ZFYVE9: variants seen among roughly 807,000 people sequenced by gnomAD.
ZFYVE9 encodes the protein zinc finger FYVE domain-containing protein 9.
Under a neutral mutation model 126.7 loss-of-function variants are expected in ZFYVE9, and 43 were observed. That is an observed-to-expected ratio of 0.34 (90% CI 0.27 to 0.44). The LOEUF (loss-of-function observed/expected upper bound fraction) is 0.44, where lower values mean the gene tolerates loss of function less well. Among genes scored for constraint, ZFYVE9 ranks in the 20% least tolerant of loss-of-function variants. ZFYVE9 has a pLI of 1.00. For synonymous variants in ZFYVE9, 521 were observed against 597.4 expected, an observed-to-expected ratio of 0.87 and a Z score of 1.87; for missense variants, 1,476 against 1,697.0, an observed-to-expected ratio of 0.87 and a Z score of 2.29.
intron 6 of ZFYVE9, among the ~76,000 whole-genome samples, chr1:52,267,496 G>T (rs1645645810): frequency 6.6e-6 from 1 of 152,056 alleles, no homozygotes; most frequent in South Asian, 2.1e-4. Context: ...TCCTTAAAAT[G>T]ATCTTATCAA....
At chr1:52,164,250 G>A (rs1346077018) in intron 1 of ZFYVE9, among the ~76,000 whole-genome samples, 6 of 151,296 alleles carry the variant, frequency 4.0e-5, no homozygotes, top group Admixed American at 3.3e-4. Context: ...GTCTCATTCT[G>A]TAGCCCAGGC....
chr1:52,165,219 A>G (rs1426837395), intron 1 of ZFYVE9, among the ~76,000 whole-genome samples: 1 of 152,180 alleles, frequency 6.6e-6, no homozygotes, highest in Non-Finnish European at 1.5e-5. Flanking sequence ...TAAAAAACTC[A>G]TATCAGACTT....
At chr1:52,278,644 CAG>C (rs539063803) in intron 9 of ZFYVE9, 30 bp downstream of exon 9, 560 of 1,429,204 alleles carry the variant, frequency 3.9e-4, no homozygotes, top group Non-Finnish European at 5.1e-4. Context: ...AAATTAAAAT[CAG>C]ATGTTTTACT....
intron 1 of ZFYVE9, among the ~76,000 whole-genome samples, chr1:52,147,732 A>T (rs960017106): frequency 1.3e-5 from 2 of 152,156 alleles, no homozygotes; most frequent in African/African-American, 4.8e-5. Context: ...ATTTATAGGG[A>T]TGGAATTGCT....
intron 10 of ZFYVE9, among the ~76,000 whole-genome samples, chr1:52,288,130 T>C (rs961824832): frequency 6.6e-6 from 1 of 152,230 alleles, no homozygotes; most frequent in Non-Finnish European, 1.5e-5. Context: ...CTCAGATTCA[T>C]ACTGTTACTG....
chr1:52,277,811 C>T (rs768888172), intron 8 of ZFYVE9, among the ~76,000 whole-genome samples: 4 of 152,154 alleles, frequency 2.6e-5, no homozygotes, highest in Non-Finnish European at 5.9e-5. Flanking sequence ...GAAGCACATA[C>T]TGTGCTTCCA....
intron 10 of ZFYVE9, among the ~76,000 whole-genome samples, chr1:52,292,616 C>T (rs749501605): frequency 1.3e-4 from 20 of 151,332 alleles, no homozygotes; most frequent in Admixed American, 2.6e-4. Context: ...GGATTACAGG[C>T]GCACACCACT....
At chr1:52,324,005 A>T (rs1212041140) in intron 13 of ZFYVE9, among the ~76,000 whole-genome samples, 1 of 151,534 alleles carries the variant, frequency 6.6e-6, no homozygotes, top group Admixed American at 6.6e-5. Flanking sequence ...ATTGCAGTGA[A>T]CTGAGATTGT....
intron 1 of ZFYVE9, among the ~76,000 whole-genome samples, chr1:52,148,696 C>T (rs2102178): frequency 0.76 from 113,072 of 149,440 alleles, 46,166 homozygotes; most frequent in Non-Finnish European, 0.9. Flanking sequence ...GGCTGGAGTG[C>T]GGTGGCGCAG....
intron 2 of ZFYVE9, among the ~76,000 whole-genome samples, chr1:52,227,573 C>T (rs539419481): frequency 2.3e-4 from 35 of 152,262 alleles, no homozygotes; most frequent in African/African-American, 8.4e-4. Flanking sequence ...GTTGCATGTA[C>T]CCTCTCCCCT....
chr1:52,293,515 C>T lies in ZFYVE9; in HGVS notation c.3088C>T (p.His1030Tyr). ...TCAAAGTTTCCTTGGCAGTAAAGAA[C>T]ATGGTGGATTCTTATATGTGACATC... is the stretch of plus-strand genomic sequence containing the variant. ...FSQSFLGSKE[H>Y]GGFLYVTSTY... Residue 1030 changes from histidine (H) to tyrosine (Y), a missense_variant, in exon 11 of 19, where the codon CAT (histidine) becomes TAT (tyrosine). His to Tyr is a moderately conservative substitution (Grantham distance 83). Around this residue, in one of 2 missense-constraint regions of ZFYVE9, gnomAD observed 669 missense variants for 902.4 expected, o/e 0.74. Coordinates refer to ENST00000287727, the MANE Select transcript of ZFYVE9 (RefSeq NM_004799.4). 1 of 1,613,232 alleles carries T rather than the reference C, an allele frequency of 6.2e-7. No homozygotes were observed. The highest frequency in any genetic ancestry group is 8.5e-7 in the Non-Finnish European group (1 of 1,179,846).
chr1:52,264,477 T>TA (rs1645614051), intron 5 of ZFYVE9, among the ~76,000 whole-genome samples: 1 of 152,196 alleles, frequency 6.6e-6, no homozygotes, highest in South Asian at 2.1e-4. Context: ...AAATAAAACT[T>TA]ACCCAGTGTT....
intron 1 of ZFYVE9, among the ~76,000 whole-genome samples, chr1:52,143,729 A>G (rs1351086428): frequency 6.6e-6 from 1 of 152,310 alleles, no homozygotes; most frequent in East Asian, 1.9e-4. Context: ...TTACATTGGA[A>G]CCATGTTGAA....
At chr1:52,253,758 A>C (rs1344365515) in intron 4 of ZFYVE9, 3 of 1,607,818 alleles carry the variant, frequency 1.9e-6, no homozygotes, top group Non-Finnish European at 2.6e-6. Context: ...ATCAGTTACG[A>C]GATGACAATC....
chr1:52,157,638 A>G (rs1644416226), intron 1 of ZFYVE9, among the ~76,000 whole-genome samples: 1 of 151,810 alleles, frequency 6.6e-6, no homozygotes, highest in South Asian at 2.1e-4. Flanking sequence ...TCCTGACCTT[A>G]AGTGATCCAC....
chr1:52,266,554 TATTA>T (rs1485397531), intron 5 of ZFYVE9, 97 bp from the exon 6 acceptor site: 7 of 1,008,420 alleles, frequency 6.9e-6, no homozygotes, highest in African/African-American at 1.6e-5. Context: ...ATACTATGAG[TATTA>T]ATTAGGAGAA....
intron 1 of ZFYVE9, among the ~76,000 whole-genome samples, chr1:52,181,845 T>A (rs519299): frequency 2.0e-5 from 3 of 151,018 alleles, no homozygotes; most frequent in South Asian, 2.1e-4. Context: ...CCCTCCGCCC[T>A]GCAGCCGCCC....
chr1:52,243,938 A>G (rs1287074904), intron 4 of ZFYVE9, among the ~76,000 whole-genome samples: 2 of 152,132 alleles, frequency 1.3e-5, no homozygotes, highest in Non-Finnish European at 2.9e-5. Context: ...CCAGTTGCCA[A>G]GGAGTGAGCG....
chr1:52,218,050 A>G (rs77955422), intron 2 of ZFYVE9, among the ~76,000 whole-genome samples: 1,886 of 152,206 alleles, frequency 0.012, 34 homozygotes, highest in African/African-American at 0.043. Context: ...CCTGGCGGCT[A>G]TTTGGTTTTG....
Sources: allele counts gnomAD v4.1 joint callset (sites outside exome capture counted in the v4.1 genomes callset), GRCh38; gene constraint gnomAD v4.1.1; regional missense constraint gnomAD v4.1.1; transcripts MANE v1.5; gene names NCBI Gene and HGNC (gene_info 2026-07-23, HGNC 2026-07-21).